Variants in EIF4G3 observed in about 807,000 individuals in gnomAD.
The protein encoded by EIF4G3 is eukaryotic translation initiation factor 4 gamma 3, also known as eIF-4-gamma 3.
A neutral mutation model predicts 186.4 loss-of-function variants in EIF4G3; 34 were observed. The ratio of observed to expected loss-of-function variants is 0.18; its 90% CI spans 0.14 to 0.24. EIF4G3 has a LOEUF of 0.24. Ranked by LOEUF, EIF4G3 falls within the 10% of genes least tolerant of loss-of-function variation. The pLI, the probability that EIF4G3 is intolerant of heterozygous loss-of-function variation, is 1.00. For missense variants in EIF4G3, 1,536 were observed against 1,948.5 expected (o/e 0.79, Z 3.99); for synonymous variants, 673 against 679.5 (o/e 0.99, Z 0.15).
At chr1:20,996,649 T>C (rs1206568016) in intron 7 of EIF4G3, among the ~76,000 whole-genome samples, 2 of 152,244 alleles carry the variant, frequency 1.3e-5, no homozygotes, top group African/African-American at 4.8e-5. Context: ...AACCAGACTT[T>C]GTTCCATAAC....
At chr1:20,813,051 C>A in intron 35 of EIF4G3, 107 bp downstream of exon 35, 1 of 738,798 alleles carries the variant, frequency 1.4e-6, no homozygotes, top group Non-Finnish European at 2.3e-6. Flanking sequence ...GAAAAGTGAG[C>A]TACATAGGAG....
Position 21,168,843 on chromosome 1 carries a change from GA to G in EIF4G3, c.-272+7331del, listed in dbSNP as rs201086574. On this transcript the variant is annotated intron_variant, in intron 2 of 36. Coordinates refer to ENST00000602326, the MANE Select transcript of EIF4G3 (RefSeq NM_001391906.1). ...ATGACCACTAATATTAAAATCCACA[GA>G]AAAAAAAAAATCAGGACAGAAATAC... Among the ~76,000 whole-genome samples the G allele has an allele frequency of 3.4e-3, 501 of 145,664 alleles. 6 individuals carry two copies. Among genetic ancestry groups the G allele is most frequent in the South Asian group, 0.02 (90 of 4,604 alleles).
At chr1:21,162,323 C>A (rs1008980414) in intron 2 of EIF4G3, among the ~76,000 whole-genome samples, 1 of 151,798 alleles carries the variant, frequency 6.6e-6, no homozygotes, top group Non-Finnish European at 1.5e-5. Flanking sequence ...GTGGTGGGTA[C>A]CTGTAATCCC....
chr1:20,943,316 G>C (rs1021386957), intron 13 of EIF4G3, among the ~76,000 whole-genome samples: 2 of 152,186 alleles, frequency 1.3e-5, no homozygotes, highest in Non-Finnish European at 2.9e-5. Flanking sequence ...GAAATAGTTT[G>C]ATATAATATA....
chr1:20,971,120 T>C (rs2075805794), intron 11 of EIF4G3, among the ~76,000 whole-genome samples: 1 of 152,192 alleles, frequency 6.6e-6, no homozygotes, highest in Non-Finnish European at 1.5e-5. Flanking sequence ...GTGGAGTTGG[T>C]GCTGTAAAGG....
At chr1:20,812,034 T>C (rs1365618285) in intron 35 of EIF4G3, among the ~76,000 whole-genome samples, 2 of 152,202 alleles carry the variant, frequency 1.3e-5, no homozygotes, top group African/African-American at 2.4e-5. Flanking sequence ...AAAAAGGGGC[T>C]GAGAAATGAA....
rs138293487 is a variant in EIF4G3 at position 20,861,751 on chromosome 1, A to G, written c.3111+477T>C. Among the ~76,000 whole-genome samples, 783 of 152,308 alleles carry G rather than the reference A, an allele frequency of 5.1e-3. 7 individuals carry two copies. Among genetic ancestry groups the G allele is most frequent in the African/African-American group, 0.018 (752 of 41,570 alleles). On this transcript the variant is annotated intron_variant, in intron 23 of 36. Transcript: ENST00000602326. ...CACTTTGGGAGGCTGAGGTGGGCAG[A>G]TCATTTGAGGTCAGGAGTTCCAGAC...
chr1:20,892,223 G>A (rs1194871955), intron 18 of EIF4G3, among the ~76,000 whole-genome samples: 1 of 152,216 alleles, frequency 6.6e-6, no homozygotes, highest in Admixed American at 6.5e-5. Flanking sequence ...AAGTAACACG[G>A]TTATCTGCAA....
intron 2 of EIF4G3, among the ~76,000 whole-genome samples, chr1:21,165,672 G>C (rs938580320): frequency 2.0e-5 from 3 of 152,134 alleles, no homozygotes; most frequent in African/African-American, 7.2e-5. Flanking sequence ...AGGGCAGGGA[G>C]AATTGGGGGA....
intron 10 of EIF4G3, among the ~76,000 whole-genome samples, chr1:20,977,586 A>G (rs1043457889): frequency 4.6e-5 from 7 of 152,224 alleles, no homozygotes; most frequent in African/African-American, 1.7e-4. Context: ...ACAATATTTT[A>G]ATCTAGATGA....
In EIF4G3 at chr1:20,815,351, C is replaced by T. The variant is rs1333032530; in HGVS notation, c.4515+2041G>A. ...CTAGGAAGTTAGGAGCGTCTCTGCC[C>T]GGCTGCCATCCCATCTAGGAAGTGA... On this transcript the variant is annotated intron_variant, in intron 34 of 36. Coordinates refer to ENST00000602326, the MANE Select transcript of EIF4G3 (RefSeq NM_001391906.1). Among the ~76,000 whole-genome samples the T allele has an allele frequency of 5.7e-5, 7 of 122,262 alleles. 2 individuals are homozygous for T. Among genetic ancestry groups the T allele is most frequent in the African/African-American group, 2.1e-4 (7 of 33,724 alleles). 80.2% of individuals were successfully genotyped at this position (122,262 alleles called of 152,430 possible).
rs554262512 is a variant in EIF4G3, at chr1:21,089,297, C to A, written c.-271-84G>T. 3.9e-4 allele frequency: 271 copies of A among 689,240 alleles called. 2 individuals are homozygous for A. The African/African-American group carries it at 4.3e-3, about 11-fold the overall frequency. The allele number at this position is 689,240 out of a possible 1,614,324, so 42.7% of individuals were successfully genotyped here. On this transcript the variant is annotated intron_variant, in intron 2 of 36. Coordinates refer to ENST00000602326, the MANE Select transcript of EIF4G3 (RefSeq NM_001391906.1). ...AATTGCAACCACAAAATTCCACCAA[C>A]GACCTAAGCATTTTCACCCAATTAG... is the stretch of plus-strand genomic sequence containing the variant.
At chr1:20,818,500 G>C (rs904334358) in intron 33 of EIF4G3, among the ~76,000 whole-genome samples, 6 of 152,122 alleles carry the variant, frequency 3.9e-5, no homozygotes, top group Non-Finnish European at 7.4e-5. Context: ...AAATTAGCCA[G>C]GTGTTGTGGC....
chr1:21,098,561 A>AAAG (rs1262164753), intron 2 of EIF4G3, among the ~76,000 whole-genome samples: 219 of 72,532 alleles, frequency 3.0e-3, no homozygotes, highest in African/African-American at 8.7e-3. Flanking sequence ...AAAAAAAAAA[A>AAAG]AAGAAGAAGA....
In EIF4G3 at chr1:20,857,504, G is replaced by C; in HGVS notation, c.3245-7C>G. 6.2e-7 allele frequency: 1 copy of C among 1,611,260 alleles called. No homozygotes were observed. Among genetic ancestry groups the C allele is most frequent in the Non-Finnish European group, 8.5e-7 (1 of 1,177,436 alleles). On this transcript the variant is annotated splice_polypyrimidine_tract_variant and splice_region_variant and intron_variant, in intron 24 of 36. Transcript: ENST00000602326. ...TCGTCCACTCTCTGGACACCTGCAG[G>C]GAGAACAGAGTGGGAGTCTCTCATC...
intron 29 of EIF4G3, chr1:20,847,666 G>A (rs974824047): frequency 5.2e-6 from 2 of 384,310 alleles, no homozygotes; most frequent in East Asian, 8.2e-5. Flanking sequence ...AAAAGGCTAT[G>A]CTGCCAATTT....
At chr1:20,880,314 G>T (rs2081968317) in intron 19 of EIF4G3, among the ~76,000 whole-genome samples, 1 of 152,160 alleles carries the variant, frequency 6.6e-6, no homozygotes, top group Non-Finnish European at 1.5e-5. Flanking sequence ...AAAAAGACCA[G>T]AATAAGTCAG....
intron 35 of EIF4G3, among the ~76,000 whole-genome samples, chr1:20,812,528 AT>A (rs939005571): frequency 1.3e-5 from 2 of 151,798 alleles, no homozygotes; most frequent in Admixed American, 6.6e-5. Flanking sequence ...GCACTGATGA[AT>A]TTTTTTTTCT....
In EIF4G3 at chr1:20,810,616, T is replaced by C. The variant is rs942402477; in HGVS notation, c.4744+122A>G. On this transcript the variant is annotated intron_variant, in intron 36 of 36. Transcript: ENST00000602326. The surrounding 1 kb of genome is among the most constrained non-coding windows in gnomAD (Gnocchi z 4.1). ...TTCAAATTTATTAAAGTTAGTTATA[T>C]GAGTTTGTGTTATTAGTGATTCTTT... 1 of 1,170,782 alleles carries C rather than the reference T, an allele frequency of 8.5e-7. No individual in the cohort carries two copies. Among genetic ancestry groups the C allele is most frequent in the Admixed American group, 2.1e-5 (1 of 47,822 alleles). The allele number at this position is 1,170,782 out of a possible 1,614,324, so 72.5% of individuals were successfully genotyped here.
Sources: allele counts gnomAD v4.1 joint callset (sites outside exome capture counted in the v4.1 genomes callset), GRCh38; gene constraint gnomAD v4.1.1; non-coding constraint Gnocchi (gnomAD v3.1); transcripts MANE v1.5; gene names NCBI Gene and HGNC (gene_info 2026-07-23, HGNC 2026-07-21).